The following ATP8A2 variants were observed in gnomAD, a reference collection of about 807,000 sequenced individuals.
ATP8A2 encodes the protein ATPase phospholipid transporting 8A2.
A neutral mutation model predicts 165.6 loss-of-function variants in ATP8A2; 100 were observed. The ratio of observed to expected loss-of-function variants is 0.60; its 90% CI spans 0.51 to 0.71. The LOEUF is 0.71. ATP8A2 is among the 30% of genes least tolerant of loss of function. ATP8A2 has a pLI of 0.00. For missense variants in ATP8A2, 1,227 were observed against 1,479.5 expected, an observed-to-expected ratio of 0.83 and a Z score of 2.80; for synonymous variants, 543 against 548.8, an observed-to-expected ratio of 0.99 and a Z score of 0.15.
chr13:25,869,190 C>G (rs1039494729), intron 33 of ATP8A2, among the ~76,000 whole-genome samples: 10 of 151,210 alleles, frequency 6.6e-5, no homozygotes, highest in African/African-American at 2.4e-4. Context: ...ATTCTAAAAT[C>G]AGAAAACTCA....
At position 25,472,971 on chromosome 13, in the gene ATP8A2, C is replaced by T. The variant is rs143342505; in HGVS notation, c.221+3850C>T. 8.1e-3 allele frequency among the ~76,000 whole-genome samples: 1,227 copies of T among 152,234 alleles called. 6 individuals are homozygous for T. The highest frequency in any genetic ancestry group is 0.017 in the Middle Eastern group (5 of 294). On this transcript the variant is annotated intron_variant, in intron 2 of 36. Transcript: ENST00000381655. ...CAGAGGAAGGGAGGGCAGCGAGGGG[C>T]GGCATGCTGTCATTCAGGACAGGAA... is the stretch of plus-strand genomic sequence containing the variant.
intron 24 of ATP8A2, among the ~76,000 whole-genome samples, chr13:25,618,559 C>T (rs906274411): frequency 6.6e-6 from 1 of 151,416 alleles, no homozygotes; most frequent in African/African-American, 2.4e-5. Context: ...GAAAACATCT[C>T]ATTAGCAACT....
intron 35 of ATP8A2, among the ~76,000 whole-genome samples, chr13:25,972,937 A>T (rs536854328): frequency 1.7e-4 from 26 of 152,166 alleles, no homozygotes; most frequent in African/African-American, 6.0e-4. Flanking sequence ...AAGAAAAAAA[A>T]GGGGGAATAT....
intron 24 of ATP8A2, among the ~76,000 whole-genome samples, chr13:25,599,502 T>C (rs2040325616): frequency 1.3e-5 from 2 of 152,252 alleles, no homozygotes; most frequent in African/African-American, 4.8e-5. Context: ...AAATCTTGTA[T>C]ACTAGTTACT....
At chr13:25,479,635 A>G (rs1372427300) in intron 2 of ATP8A2, among the ~76,000 whole-genome samples, 1 of 151,764 alleles carries the variant, frequency 6.6e-6, no homozygotes, top group Admixed American at 6.6e-5. Flanking sequence ...GAGGACCCTG[A>G]GGCCTTCCGC....
intron 1 of ATP8A2, among the ~76,000 whole-genome samples, chr13:25,435,330 A>G (rs1052032203): frequency 2.0e-5 from 3 of 152,070 alleles, no homozygotes; most frequent in Non-Finnish European, 2.9e-5. Context: ...CATGTTGGTC[A>G]GGCTGGTCTC....
At chr13:25,612,568 T>A (rs927885417) in intron 24 of ATP8A2, among the ~76,000 whole-genome samples, 1 of 152,194 alleles carries the variant, frequency 6.6e-6, no homozygotes, top group African/African-American at 2.4e-5. Flanking sequence ...TGGTCTAGCT[T>A]GGAGAATGTT....
At position 25,481,145 on chromosome 13, in the gene ATP8A2, G is replaced by T. The variant is rs559764838; in HGVS notation, c.221+12024G>T. The stretch of plus-strand genomic sequence containing the variant: ...CGGCTCGGCATCAGAGGGAGACCGT[G>T]GAAAGAGAGGGAGAGGGAGACCGTG... On this transcript the variant is annotated intron_variant, in intron 2 of 36. Transcript: ENST00000381655. Among the ~76,000 whole-genome samples the T allele has an allele frequency of 7.1e-4, 93 of 131,014 alleles. No individual in the cohort carries two copies. The East Asian group carries it at 0.018, about 25-fold the overall frequency. The allele number at this position is 131,014 out of a possible 152,430, so 86.0% of individuals were successfully genotyped here.
At chr13:25,842,252 G>C (rs1348592812) in intron 30 of ATP8A2, among the ~76,000 whole-genome samples, 4 of 152,160 alleles carry the variant, frequency 2.6e-5, no homozygotes, top group East Asian at 1.9e-4. Flanking sequence ...TCCAGCAGAA[G>C]GAAGAATCAA....
intron 24 of ATP8A2, among the ~76,000 whole-genome samples, chr13:25,634,734 G>C (rs566588768): frequency 2.6e-5 from 4 of 152,218 alleles, no homozygotes; most frequent in African/African-American, 9.6e-5. Flanking sequence ...TGAAAGACCT[G>C]TACCAAGCAT....
intron 36 of ATP8A2, among the ~76,000 whole-genome samples, chr13:26,018,463 TTTTAAA>T (rs1957031407): frequency 6.6e-6 from 1 of 152,240 alleles, no homozygotes. Flanking sequence ...TCTTTTCTCC[TTTTAAA>T]GAGTATGACA....
At position 25,979,708 on chromosome 13, in the gene ATP8A2, TGA is replaced by T. The variant is rs1182712245; in HGVS notation, c.3377+11035_3377+11036del. On this transcript the variant is annotated intron_variant, in intron 35 of 36. Coordinates refer to ENST00000381655, the MANE Select transcript of ATP8A2 (RefSeq NM_016529.6). ...TGCCAGGCCAGACTCCGGCCTAGAA[TGA>T]GAGAGGGAATTCCTATTGCTTTAGA... Among the ~76,000 whole-genome samples, 7 of 152,234 alleles carry T rather than the reference TGA, an allele frequency of 4.6e-5. No homozygotes were observed. The South Asian group carries it at 1.5e-3, about 32-fold the overall frequency.
chr13:25,829,984 A>C (rs1951422303), intron 28 of ATP8A2, among the ~76,000 whole-genome samples: 1 of 150,736 alleles, frequency 6.6e-6, no homozygotes, highest in African/African-American at 2.4e-5. Context: ...AACAAAGAGA[A>C]TCTCAGACAT....
At chr13:25,669,428 A>T (rs1194291653) in intron 24 of ATP8A2, among the ~76,000 whole-genome samples, 2 of 152,250 alleles carry the variant, frequency 1.3e-5, no homozygotes, top group Non-Finnish European at 2.9e-5. Flanking sequence ...TTTGCAGCTT[A>T]GTTCTGACCT....
At chr13:25,984,407 C>G (rs966944537) in intron 35 of ATP8A2, among the ~76,000 whole-genome samples, 1 of 151,758 alleles carries the variant, frequency 6.6e-6, no homozygotes, top group African/African-American at 2.4e-5. Flanking sequence ...AGTTCGAGAC[C>G]AGCCTGGCCA....
intron 33 of ATP8A2, among the ~76,000 whole-genome samples, chr13:25,902,862 C>A (rs1009344397): frequency 4.0e-5 from 6 of 151,718 alleles, no homozygotes; most frequent in African/African-American, 1.2e-4. Context: ...ACGACATTTC[C>A]TCCTAAATGT....
At chr13:25,919,722 AGAT>A (rs980781792) in intron 33 of ATP8A2, among the ~76,000 whole-genome samples, 22 of 152,028 alleles carry the variant, frequency 1.4e-4, no homozygotes, top group African/African-American at 5.1e-4. Flanking sequence ...CCAATTCCAA[AGAT>A]TTTCTGTATC....
intron 25 of ATP8A2, among the ~76,000 whole-genome samples, chr13:25,716,245 G>A (rs1227463520): frequency 6.6e-6 from 1 of 152,182 alleles, no homozygotes; most frequent in Admixed American, 6.5e-5. Flanking sequence ...TCAGATACAT[G>A]ATTTGCAAAA....
Position 25,505,735 on chromosome 13 carries a change from T to G in ATP8A2, c.222-24264T>G, listed in dbSNP as rs879698083. ...TGTTGCCAACTGGCTAGCATGTTGA[T>G]GGCTCTACATAACTTATTATTATTA... On this transcript the variant is annotated intron_variant, in intron 2 of 36. Transcript: ENST00000381655. Among the ~76,000 whole-genome samples the G allele has an allele frequency of 4.6e-5, 7 of 152,268 alleles. 1 individual carries two copies. Among genetic ancestry groups the G allele is most frequent in the Non-Finnish European group, 1.0e-4 (7 of 68,052 alleles).
Sources: gnomAD v4.1 joint callset for allele counts (sites outside exome capture counted in the v4.1 genomes callset) on GRCh38, gnomAD v4.1.1 for gene constraint, MANE v1.5 for transcripts, NCBI Gene and HGNC (gene_info 2026-07-23, HGNC 2026-07-21) for gene names.